The following NOTCH4 variants were observed in gnomAD, a reference collection of about 807,000 sequenced individuals.
NOTCH4 encodes the protein notch receptor 4.
Under a neutral mutation model 189.0 loss-of-function variants are expected in NOTCH4, and 138 were observed. That is an observed-to-expected ratio of 0.73 (90% CI 0.64 to 0.84). The LOEUF is 0.84. NOTCH4 is among the 40% of genes least tolerant of loss of function. The pLI, the probability that NOTCH4 is intolerant of heterozygous loss-of-function variation, is 0.00. For missense variants in NOTCH4, 2,286 were observed against 2,605.4 expected, an observed-to-expected ratio of 0.88 and a Z score of 2.67; for synonymous variants, 942 against 1,032.8, an observed-to-expected ratio of 0.91 and a Z score of 1.69.
At chr6:32,204,075 C>T (rs1435367723) in intron 19 of NOTCH4, 62 bp downstream of exon 19, 39 of 1,588,570 alleles carry the variant, frequency 2.5e-5, no homozygotes, top group Non-Finnish European at 3.3e-5. Context: ...GACTATCTGG[C>T]TCTCCATGGT....
At chr6:32,222,314 A>AT (rs1789828972) in intron 3 of NOTCH4, among the ~76,000 whole-genome samples, 197 bp downstream of exon 3, 1 of 152,340 alleles carries the variant, frequency 6.6e-6, no homozygotes, top group Non-Finnish European at 1.5e-5. Flanking sequence ...ATATTTTAAC[A>AT]TTTTAGCAAT....
In NOTCH4 at chr6:32,199,306, C is replaced by A. The variant is rs968712610; in HGVS notation, c.4316-161G>T. Reference sequence around the variant, plus strand: ...TTGAGGTTGGGCACAGTGGCTCATGCCTGTAATCCCAGCACTTTGGGAAGC... The same window carrying A: ...TTGAGGTTGGGCACAGTGGCTCATGACTGTAATCCCAGCACTTTGGGAAGC... On this transcript the variant is annotated intron_variant, in intron 23 of 29. Coordinates refer to ENST00000375023, the MANE Select transcript of NOTCH4 (RefSeq NM_004557.4). This position sits in a 1 kb window ranked among gnomAD's most constrained non-coding sequence, Gnocchi z 4.9. Among the ~76,000 whole-genome samples, 1 of 152,222 alleles carries A rather than the reference C, an allele frequency of 6.6e-6. No homozygotes were observed. Among genetic ancestry groups the A allele is most frequent in the Non-Finnish European group, 1.5e-5 (1 of 68,042 alleles).
chr6:32,219,175 G>C (rs1181006447), intron 8 of NOTCH4, among the ~76,000 whole-genome samples: 3 of 152,094 alleles, frequency 2.0e-5, no homozygotes, highest in Non-Finnish European at 4.4e-5. Flanking sequence ...CAGGGCTTTT[G>C]GGATTTTAAG....
rs2127487198 is a variant in NOTCH4, at chr6:32,220,461, G to T, written c.1103C>A (p.Ser368Tyr). 6.2e-7 allele frequency: 1 copy of T among 1,613,948 alleles called. No individual in the cohort carries two copies. Among genetic ancestry groups the T allele is most frequent in the East Asian group, 2.2e-5 (1 of 44,870 alleles). Residue 368 changes from serine to tyrosine, a missense_variant, in exon 6 of 30, where the codon TCC (serine) becomes TAC (tyrosine). Transcript: ENST00000375023. Reference sequence around the variant, plus strand: ...AGAGCCCACCCGGTCAATGCAGGTGGATCCCGGGGCACAGGTGGCAGCAAT... The same window carrying T: ...AGAGCCCACCCGGTCAATGCAGGTGTATCCCGGGGCACAGGTGGCAGCAAT... ...DCIAATCAPGSTCIDRVGSFS... is the reference protein window; with the variant it reads ...DCIAATCAPGYTCIDRVGSFS...
At position 32,195,114 on chromosome 6, in the gene NOTCH4, G is replaced by T. The variant is rs1787767817; in HGVS notation, c.*323C>A. Reference sequence around the variant, plus strand: ...GGCACCCTTTGGAAACCATATATAGGAAAGAACATCTTACATCCCATATGC... The same window carrying T: ...GGCACCCTTTGGAAACCATATATAGTAAAGAACATCTTACATCCCATATGC... On this transcript the variant is annotated 3_prime_UTR_variant, in exon 30 of 30. Transcript: ENST00000375023. The surrounding 1 kb of genome is among the most constrained non-coding windows in gnomAD (Gnocchi z 5.4). 1 of 369,976 alleles carries T rather than the reference G, an allele frequency of 2.7e-6. No individual in the cohort carries two copies. Among genetic ancestry groups the T allele is most frequent in the Non-Finnish European group, 4.9e-6 (1 of 204,074 alleles). 22.9% of individuals were successfully genotyped at this position (369,976 alleles called of 1,614,324 possible).
In NOTCH4 at chr6:32,201,093, C is replaced by T; in HGVS notation, c.4139+24G>A. On this transcript the variant is annotated intron_variant, in intron 22 of 29. Coordinates refer to ENST00000375023, the MANE Select transcript of NOTCH4 (RefSeq NM_004557.4). This position sits in a 1 kb window ranked among gnomAD's most constrained non-coding sequence, Gnocchi z 5.5. ...CCTCTTAAAAAAACTGGTGTCTGGC[C>T]CTTCCCTCCACCTAGCTTCTTACCC... 6.3e-7 allele frequency: 1 copy of T among 1,592,250 alleles called. No individual in the cohort carries two copies. Among genetic ancestry groups the T allele is most frequent in the Non-Finnish European group, 8.6e-7 (1 of 1,169,146 alleles).
rs1789111129 is a variant in NOTCH4 at position 32,212,826 on chromosome 6, G to T, written c.2524C>A (p.Gln842Lys). The T allele has an allele frequency of 6.5e-7, 1 of 1,531,818 alleles. No homozygotes were observed. Among genetic ancestry groups the T allele is most frequent in the Admixed American group, 2.1e-5 (1 of 47,424 alleles). 94.9% of individuals were successfully genotyped at this position (1,531,818 alleles called of 1,614,324 possible). ...CGCCTGACTTCAATGGCCCTCACCT[G>T]GCAGCTGCCTCCGGTGTAGCCAGTG... ...CPTGYTGGSC[Q>K]TLMDLCAQKP... The change falls in exon 16 of 30, where the codon CAG (glutamine) becomes AAG (lysine). Residue 842 changes from glutamine to lysine, a missense_variant and splice_region_variant. Physicochemically the swap from Gln to Lys is moderately conservative, Grantham distance 53 (BLOSUM62 1). Around this residue, in one of 2 missense-constraint regions of NOTCH4, gnomAD observed 1,903 missense variants for 2,261.9 expected, o/e 0.84. Transcript: ENST00000375023. The surrounding 1 kb of genome is among the most constrained non-coding windows in gnomAD (Gnocchi z 4.4).
rs930685963 is a variant in NOTCH4 at position 32,213,326 on chromosome 6, T to A, written c.2321-74A>T. On this transcript the variant is annotated intron_variant, in intron 14 of 29. Transcript: ENST00000375023. ...CCTGTGACCTCAGTCACACTGTACATAGGACATACACCCCCCACCCCCATC... is the reference window on the plus strand; with the variant it reads ...CCTGTGACCTCAGTCACACTGTACAAAGGACATACACCCCCCACCCCCATC... 9.4e-5 allele frequency: 88 copies of A among 931,778 alleles called. No individual in the cohort carries two copies. The African/African-American group carries it at 1.0e-3, about 11-fold the overall frequency. The allele number at this position is 931,778 out of a possible 1,614,324, so 57.7% of individuals were successfully genotyped here.
rs1265034392 is a variant in NOTCH4 at position 32,198,038 on chromosome 6, G to A, written c.4756+383C>T. On this transcript the variant is annotated intron_variant, in intron 26 of 29. Transcript: ENST00000375023. This position sits in a 1 kb window ranked among gnomAD's most constrained non-coding sequence, Gnocchi z 5.5. ...GGGTTTCACTGTGTTAGCCAGGATGGTCTCGATCTCCTGACCTTGTGATCC... is the reference window on the plus strand; with the variant it reads ...GGGTTTCACTGTGTTAGCCAGGATGATCTCGATCTCCTGACCTTGTGATCC... 6.6e-6 allele frequency among the ~76,000 whole-genome samples: 1 copy of A among 151,512 alleles called. No individual in the cohort carries two copies. Among genetic ancestry groups the A allele is most frequent in the African/African-American group, 2.4e-5 (1 of 41,192 alleles).
intron 18 of NOTCH4, among the ~76,000 whole-genome samples, chr6:32,205,125 G>A (rs1788591406): frequency 6.6e-6 from 1 of 152,102 alleles, no homozygotes; most frequent in African/African-American, 2.4e-5. Flanking sequence ...GAAAGAGAGT[G>A]TGCAAGAGTA....
In NOTCH4 at chr6:32,202,399, G is replaced by C; in HGVS notation, c.3432C>G (p.Gly1144=). 3 of 1,612,656 alleles carry C rather than the reference G, an allele frequency of 1.9e-6. No individual in the cohort carries two copies. The highest frequency in any genetic ancestry group is 2.5e-6 in the Non-Finnish European group (3 of 1,179,870). ...CGPPSPCLYN[G]SCSETTGLGG... is the part of the protein sequence containing the mutation. ...CCAAGCCCGTGGTCTCTGAGCAGCTGCCATTGTATAGGCATGGGGAGGGAG... is the reference window on the plus strand; with the variant it reads ...CCAAGCCCGTGGTCTCTGAGCAGCTCCCATTGTATAGGCATGGGGAGGGAG... The change falls in exon 21 of 30, where the codon GGC becomes GGG. Residue 1144 remains glycine (G), a synonymous_variant. Transcript: ENST00000375023. The surrounding 1 kb of genome is among the most constrained non-coding windows in gnomAD (Gnocchi z 5.7).
rs775357656 is a variant in NOTCH4, at chr6:32,196,989, C to T, written c.5136G>A (p.Ala1712=). ...TCAGTTCTTCAACCAGGTCTTCCAC[C>T]GCCAGCCTGGCAGCCAGCATCAAGG... is the stretch of plus-strand genomic sequence containing the variant. The part of the protein sequence containing the change: ...TTPLMLAARL[A]VEDLVEELIA... Residue 1712 remains alanine (A), a synonymous_variant, in exon 28 of 30, where the codon GCG becomes GCA. Transcript: ENST00000375023. The T allele has an allele frequency of 1.2e-6, 2 of 1,613,006 alleles. No individual in the cohort carries two copies. Among genetic ancestry groups the T allele is most frequent in the South Asian group, 1.1e-5 (1 of 91,076 alleles).
At position 32,222,638 on chromosome 6, in the gene NOTCH4, G is replaced by T; in HGVS notation, c.324C>A (p.Gly108=). The T allele has an allele frequency of 6.2e-7, 1 of 1,606,976 alleles. No homozygotes were observed. The highest frequency in any genetic ancestry group is 8.5e-7 in the Non-Finnish European group (1 of 1,177,770). ...TPSFLCTCLP[G]FTGERCQAKL... is the part of the protein sequence containing the mutation. ...TGGCCTGGCATCTCTCACCAGTGAAGCCAGGGAGGCAAGTGCACAAGAAGC... is the reference window on the plus strand; with the variant it reads ...TGGCCTGGCATCTCTCACCAGTGAATCCAGGGAGGCAAGTGCACAAGAAGC... The change falls in exon 3 of 30, where the codon GGC becomes GGA. Residue 108 remains glycine, a synonymous_variant. Transcript: ENST00000375023.
chr6:32,223,014 C>A lies in NOTCH4; in HGVS notation c.146G>T (p.Gly49Val). The change falls in exon 2 of 30, where the codon GGG becomes GTG. Residue 49 changes from glycine to valine, a missense_variant. By Grantham distance (109) the Gly-to-Val change is moderately radical. Around this residue, in one of 2 missense-constraint regions of NOTCH4, gnomAD observed 1,903 missense variants for 2,261.9 expected, o/e 0.84. Transcript: ENST00000375023. ...GTCLSLSLGQGTCQCAPGFLG... is the reference protein window; with the variant it reads ...GTCLSLSLGQVTCQCAPGFLG... ...TGCAAGGCACACTCACTGGCAGGTCCCTTGTCCCAGAGACAGGCTCAGGCA... is the reference window on the plus strand; with the variant it reads ...TGCAAGGCACACTCACTGGCAGGTCACTTGTCCCAGAGACAGGCTCAGGCA... 1 of 1,613,650 alleles carries A rather than the reference C, an allele frequency of 6.2e-7. No homozygotes were observed. The highest frequency in any genetic ancestry group is 1.3e-5 in the African/African-American group (1 of 74,968).
At chr6:32,213,474 T>G (rs1302817382) in intron 14 of NOTCH4, among the ~76,000 whole-genome samples, 1 of 152,182 alleles carries the variant, frequency 6.6e-6, no homozygotes, top group Non-Finnish European at 1.5e-5. Flanking sequence ...GTCTTAACCT[T>G]CTGGGCTCAA....
chr6:32,214,484 T>TATATATATATAC (rs28383875), intron 12 of NOTCH4, among the ~76,000 whole-genome samples: 10 of 141,268 alleles, frequency 7.1e-5, no homozygotes, highest in African/African-American at 1.4e-4. Context: ...TATATATATA[T>TATATATATATAC]ACACACATAT....
chr6:32,213,855 T>C lies in NOTCH4; in HGVS notation c.2168-15A>G, dbSNP rs1406051460. On this transcript the variant is annotated splice_polypyrimidine_tract_variant and intron_variant, in intron 13 of 29. Transcript: ENST00000375023. ...ACAGGTGGGTCCTGAAGGAAACAGG[T>C]GGGGGCTGAGAAAGGGTGTCCTCCT... is the stretch of plus-strand genomic sequence containing the variant. The C allele has an allele frequency of 6.2e-7, 1 of 1,610,984 alleles. No homozygotes were observed. Among genetic ancestry groups the C allele is most frequent in the African/African-American group, 1.3e-5 (1 of 74,934 alleles).
chr6:32,206,111 T>C (rs28893519), intron 18 of NOTCH4, among the ~76,000 whole-genome samples: 12 of 151,996 alleles, frequency 7.9e-5, no homozygotes, highest in African/African-American at 2.4e-4. Context: ...TAACATCATA[T>C]TGAATGGGGA....
rs770078186 is a variant in NOTCH4 at position 32,219,550 on chromosome 6, AGT to A, written c.1510+40_1510+41del. 4 of 1,573,868 alleles carry A rather than the reference AGT, an allele frequency of 2.5e-6. No individual in the cohort carries two copies. In the African/African-American group the frequency reaches 5.4e-5, roughly 21 times the overall value. ...GGGCATTCCTAGTGGGTTCAGGACT[AGT>A]TCCCTGTTTTCCCCACCCAAGGCCC... is the stretch of plus-strand genomic sequence containing the variant. On this transcript the variant is annotated intron_variant, in intron 8 of 29. Transcript: ENST00000375023.
Sources: allele counts gnomAD v4.1 joint callset (sites outside exome capture counted in the v4.1 genomes callset), GRCh38; gene constraint gnomAD v4.1.1; regional missense constraint gnomAD v4.1.1; non-coding constraint Gnocchi (gnomAD v3.1); transcripts MANE v1.5; gene names NCBI Gene and HGNC (gene_info 2026-07-23, HGNC 2026-07-21).